The following HPSE variants were observed in gnomAD, a reference collection of about 807,000 sequenced individuals.
HPSE encodes the protein endo-glucoronidase.
A neutral mutation model predicts 65.1 loss-of-function variants in HPSE; 48 were observed. That is an observed-to-expected ratio of 0.74 (90% CI 0.58 to 0.94). The LOEUF is 0.94. Ranked by LOEUF, HPSE falls within the 40% of genes least tolerant of loss-of-function variation. The pLI is 0.00. For missense variants in HPSE, 644 were observed against 637.5 expected, an observed-to-expected ratio of 1.01 and a Z score of -0.11; for synonymous variants, 243 against 260.0, an observed-to-expected ratio of 0.93 and a Z score of 0.63.
intron 1 of HPSE, 85 bp downstream of exon 1, chr4:83,334,471 C>A: frequency 6.3e-6 from 9 of 1,422,040 alleles, no homozygotes; most frequent in Admixed American, 2.5e-5. Context: ...GTTGTTTCCG[C>A]GCAAAAGAAG....
intron 1 of HPSE, among the ~76,000 whole-genome samples, chr4:83,329,781 C>G (rs1737294890): frequency 6.6e-6 from 1 of 151,868 alleles, no homozygotes; most frequent in South Asian, 2.1e-4. Context: ...ATCTAGGTGA[C>G]TTGAAGTCAT....
intron 11 of HPSE, among the ~76,000 whole-genome samples, chr4:83,299,994 C>A (rs927121695): frequency 6.6e-6 from 1 of 152,104 alleles, no homozygotes; most frequent in East Asian, 1.9e-4. Flanking sequence ...TGAGCCACTG[C>A]GCCAAGCCTG....
intron 3 of HPSE, among the ~76,000 whole-genome samples, chr4:83,314,510 G>A (rs1468065870): frequency 6.6e-6 from 1 of 152,034 alleles, no homozygotes; most frequent in African/African-American, 2.4e-5. Context: ...TTGTGGCCTA[G>A]GCATGCTTTA....
At chr4:83,332,643 A>C (rs1168243109) in intron 1 of HPSE, among the ~76,000 whole-genome samples, 1 of 152,262 alleles carries the variant, frequency 6.6e-6, no homozygotes, top group Non-Finnish European at 1.5e-5. Context: ...TTTAAGAAGA[A>C]TAAAGGTATC....
intron 3 of HPSE, 65 bp downstream of exon 3, chr4:83,319,279 C>T (rs544404526): frequency 6.5e-7 from 1 of 1,536,566 alleles, no homozygotes; most frequent in African/African-American, 1.4e-5. Context: ...AGATTGGTGC[C>T]CGAGTCCAAC....
At position 83,300,982 on chromosome 4, in the gene HPSE, C is replaced by A. The variant is rs1446749324; in HGVS notation, c.1450G>T (p.Gly484Ter). 6.3e-7 allele frequency: 1 copy of A among 1,597,470 alleles called. No individual in the cohort carries two copies. Among genetic ancestry groups the A allele is most frequent in the Non-Finnish European group, 8.5e-7 (1 of 1,172,550 alleles). The change falls in exon 11 of 12, where the codon GGA becomes TGA. Residue 484 changes from glycine to a stop codon, truncating the protein, a stop_gained. Coordinates refer to ENST00000311412, the MANE Select transcript of HPSE (RefSeq NM_001098540.3). LOFTEE classifies it high-confidence loss of function. ...QVDKYLLRPL[G>*]PHGLLSKSVQ... ...TACTTGGAAAGTAATCCATGAGGTCCCAAAGGTCTTAGAAGGTATTTATCC... is the reference window on the plus strand; with the variant it reads ...TACTTGGAAAGTAATCCATGAGGTCACAAAGGTCTTAGAAGGTATTTATCC...
chr4:83,306,114 G>GGACT (rs1458148186), intron 9 of HPSE, 89 bp downstream of exon 9: 4 of 720,708 alleles, frequency 5.6e-6, no homozygotes, highest in Non-Finnish European at 1.0e-5. Flanking sequence ...GTTACTGAGA[G>GGACT]GACTGACTGT....
chr4:83,295,265 G>C lies in HPSE; in HGVS notation c.*79C>G, dbSNP rs1205468894. 4 of 1,281,658 alleles carry C rather than the reference G, an allele frequency of 3.1e-6. No individual in the cohort carries two copies. Among genetic ancestry groups the C allele is most frequent in the East Asian group, 2.3e-5 (1 of 42,586 alleles). The allele number at this position is 1,281,658 out of a possible 1,614,324, so 79.4% of individuals were successfully genotyped here. The stretch of plus-strand genomic sequence containing the variant: ...CCACTAGTTGCTTTGCAAGGTATCT[G>C]CTTCCTTTCCTATAACTTGAGTTGC... On this transcript the variant is annotated 3_prime_UTR_variant, in exon 12 of 12. Transcript: ENST00000311412.
intron 11 of HPSE, among the ~76,000 whole-genome samples, chr4:83,300,358 T>C (rs1578003842): frequency 1.3e-5 from 2 of 152,226 alleles, no homozygotes; most frequent in East Asian, 3.8e-4. Context: ...CTTTAGTGAA[T>C]GTGTTACCAA....
intron 11 of HPSE, among the ~76,000 whole-genome samples, chr4:83,299,467 C>G (rs1735858817): frequency 6.6e-6 from 1 of 151,286 alleles, no homozygotes; most frequent in Admixed American, 6.6e-5. Flanking sequence ...CCTGACCCTG[C>G]CTTTTTCCTA....
chr4:83,302,555 G>A (rs1735994092), intron 9 of HPSE, among the ~76,000 whole-genome samples: 1 of 152,092 alleles, frequency 6.6e-6, no homozygotes, highest in South Asian at 2.1e-4. Context: ...AGTATTCTTG[G>A]TTATCGTTCA....
In HPSE at chr4:83,310,764, T is replaced by C. The variant is rs749390915; in HGVS notation, c.800A>G (p.Asp267Gly). ...TFKNAKLYGP[D>G]VGQPRRKTAK... Reference sequence around the variant, plus strand: ...CGTCTTTCTTCGAGGCTGACCAACATCAGGACCATAGAGTTTTGCATTTTT... The same window carrying C: ...CGTCTTTCTTCGAGGCTGACCAACACCAGGACCATAGAGTTTTGCATTTTT... The change falls in exon 5 of 12, where the codon GAT (aspartate) becomes GGT (glycine). Residue 267 changes from aspartate to glycine, a missense_variant. Coordinates refer to ENST00000311412, the MANE Select transcript of HPSE (RefSeq NM_001098540.3). 2 of 1,614,108 alleles carry C rather than the reference T, an allele frequency of 1.2e-6. No homozygotes were observed. Among genetic ancestry groups the C allele is most frequent in the East Asian group, 2.2e-5 (1 of 44,874 alleles).
At chr4:83,311,781 GAAAAAA>G (rs59143616) in intron 4 of HPSE, among the ~76,000 whole-genome samples, 22 of 126,894 alleles carry the variant, frequency 1.7e-4, no homozygotes, top group South Asian at 2.6e-4. Context: ...GATCTTGTCT[GAAAAAA>G]AAAAAAAAAA....
At chr4:83,319,797 A>G (rs980302078) in intron 2 of HPSE, among the ~76,000 whole-genome samples, 1 of 152,138 alleles carries the variant, frequency 6.6e-6, no homozygotes, top group Non-Finnish European at 1.5e-5. Context: ...GCAGTGGCTC[A>G]CACCTGTAAT....
At position 83,312,882 on chromosome 4, in the gene HPSE, C is replaced by T. The variant is rs555763347; in HGVS notation, c.673+232G>A. On this transcript the variant is annotated intron_variant, in intron 4 of 11. Transcript: ENST00000311412. ...AAAAAAAAAAAAAAAATTAGCTGGGCGCGGTGGCGGGTGCCTGTAGTCCCA... is the reference window on the plus strand; with the variant it reads ...AAAAAAAAAAAAAAAATTAGCTGGGTGCGGTGGCGGGTGCCTGTAGTCCCA... Among the ~76,000 whole-genome samples the T allele has an allele frequency of 1.2e-3, 100 of 83,600 alleles. 2 individuals are homozygous for T. The highest frequency in any genetic ancestry group is 0.01 in the Middle Eastern group (1 of 100). The allele number at this position is 83,600 out of a possible 152,430, so 54.8% of individuals were successfully genotyped here.
At chr4:83,327,345 C>A (rs370431107) in intron 1 of HPSE, among the ~76,000 whole-genome samples, 4 of 152,150 alleles carry the variant, frequency 2.6e-5, no homozygotes, top group Non-Finnish European at 5.9e-5. Context: ...TATTAAGGAC[C>A]TTTTTGTTTG....
intron 1 of HPSE, among the ~76,000 whole-genome samples, chr4:83,322,705 G>A (rs991046572): frequency 2.0e-5 from 3 of 151,788 alleles, no homozygotes; most frequent in Non-Finnish European, 4.4e-5. Context: ...AAAAGAGGAA[G>A]CATCTCAATC....
chr4:83,316,083 A>C (rs1274774708), intron 3 of HPSE, among the ~76,000 whole-genome samples: 1 of 151,766 alleles, frequency 6.6e-6, no homozygotes, highest in Admixed American at 6.6e-5. Flanking sequence ...CTGGAGTACA[A>C]TGGCATGATC....
intron 4 of HPSE, among the ~76,000 whole-genome samples, chr4:83,312,841 CAAAAAAAAAAA>C (rs1200808673): frequency 2.7e-4 from 3 of 10,982 alleles, no homozygotes; most frequent in East Asian, 3.1e-3. Context: ...ACTAAAAATG[CAAAAAAAAAAA>C]AAAAAAAAAA....
Sources: gnomAD v4.1 joint callset for allele counts (sites outside exome capture counted in the v4.1 genomes callset) on GRCh38, gnomAD v4.1.1 for gene constraint, MANE v1.5 for transcripts, NCBI Gene and HGNC (gene_info 2026-07-23, HGNC 2026-07-21) for gene names.